MOGAT3: variants seen among roughly 807,000 people sequenced by gnomAD.
MOGAT3 encodes 2-acylglycerol O-acyltransferase 3.
A neutral mutation model predicts 34.4 loss-of-function variants in MOGAT3; 39 were observed. The ratio of observed to expected loss-of-function variants is 1.13; its 90% CI spans 0.88 to 1.48. MOGAT3 has a LOEUF of 1.48. Among genes scored for constraint, MOGAT3 ranks in the 40% most tolerant of loss-of-function variants. The pLI, the probability that MOGAT3 is intolerant of heterozygous loss-of-function variation, is 0.00. For synonymous variants in MOGAT3, 209 were observed against 179.2 expected, an observed-to-expected ratio of 1.17 and a Z score of -1.33; for missense variants, 439 against 438.9, an observed-to-expected ratio of 1.00 and a Z score of 0.00.
At chr7:101,196,480 T>A in intron 5 of MOGAT3, 91 bp from the exon 6 acceptor site, 1 of 822,950 alleles carries the variant, frequency 1.2e-6, no homozygotes. Context: ...TCCCACTACG[T>A]CCAGATGCTA....
Position 101,200,961 on chromosome 7 carries a change from G to T in MOGAT3, c.-107C>A, listed in dbSNP as rs1797941419. The T allele has an allele frequency of 3.5e-6, 3 of 856,762 alleles. No homozygotes were observed. Among genetic ancestry groups the T allele is most frequent in the Non-Finnish European group, 5.4e-6 (3 of 550,648 alleles). 53.1% of individuals were successfully genotyped at this position (856,762 alleles called of 1,614,324 possible). A position where few individuals can be genotyped will look rare whatever the true frequency, so the allele number is the denominator to read the frequency against. ...TTCTCCCTACAGGAGCCCAGCTTTG[G>T]GGGCCTGGCTAAGTCGCAAATCACC... On this transcript the variant is annotated 5_prime_UTR_variant, in exon 1 of 7. Transcript: ENST00000223114.
At chr7:101,200,197 AG>A in intron 3 of MOGAT3, 36 bp downstream of exon 3, 1 of 1,560,812 alleles carries the variant, frequency 6.4e-7, no homozygotes, top group Non-Finnish European at 8.8e-7. Context: ...AGATGGGGAG[AG>A]GTAGGAAGCA....
chr7:101,200,536 A>C, intron 1 of MOGAT3, 21 bp from the exon 2 acceptor site: 7 of 1,540,154 alleles, frequency 4.5e-6, no homozygotes. Context: ...GGAGAGAAAG[A>C]AAAGAGTTCA....
chr7:101,195,665 C>G lies in MOGAT3; in HGVS notation c.*281G>C. 2.3e-6 allele frequency: 1 copy of G among 438,616 alleles called. No homozygotes were observed. The highest frequency in any genetic ancestry group is 4.1e-6 in the Non-Finnish European group (1 of 242,710). The allele number at this position is 438,616 out of a possible 1,614,324, so 27.2% of individuals were successfully genotyped here. A position where few individuals can be genotyped will look rare whatever the true frequency, so the allele number is the denominator to read the frequency against. ...TAAGCAAGTCTCCTGCCTCAGCCTC[C>G]CAAATAGCTGGGATTACAGGCACAT... On this transcript the variant is annotated 3_prime_UTR_variant, in exon 7 of 7. Coordinates refer to ENST00000223114, the MANE Select transcript of MOGAT3 (RefSeq NM_178176.4).
rs1447900750 is a variant in MOGAT3, at chr7:101,195,096, T to C, written c.*850A>G. On this transcript the variant is annotated 3_prime_UTR_variant, in exon 7 of 7. Coordinates refer to ENST00000223114, the MANE Select transcript of MOGAT3 (RefSeq NM_178176.4). ...CAAGGTCATGCCACAGACTGAACTC[T>C]CACTGGGAGGACAGTTCAGGGTCCT... 2.6e-5 allele frequency: 4 copies of C among 152,268 alleles called. No individual in the cohort carries two copies. Among genetic ancestry groups the C allele is most frequent in the Non-Finnish European group, 5.9e-5 (4 of 68,086 alleles). The allele number at this position is 152,268 out of a possible 1,614,324, so 9.4% of individuals were successfully genotyped here. A position where few individuals can be genotyped will look rare whatever the true frequency, so the allele number is the denominator to read the frequency against.
intron 4 of MOGAT3, 32 bp from the exon 5 acceptor site, chr7:101,198,397 C>T (rs1427760044): frequency 1.3e-6 from 2 of 1,520,324 alleles, no homozygotes; most frequent in African/African-American, 2.8e-5. Context: ...AAGTAGTTCC[C>T]ATCTGCCTCC....
At chr7:101,194,029 C>T (rs1038474698), downstream of MOGAT3, among the ~76,000 whole-genome samples, 5 of 151,268 alleles carry the variant, frequency 3.3e-5, no homozygotes, top group Admixed American at 6.6e-5. Context: ...GGTCTCGCTT[C>T]GTTACCCAGG....
chr7:101,194,837 G>A (rs534951045), downstream of MOGAT3, among the ~76,000 whole-genome samples: 31 of 152,092 alleles, frequency 2.0e-4, 1 homozygote, highest in Admixed American at 2.0e-3. Flanking sequence ...CCTTCACTGG[G>A]GATGGTACCA....
intron 3 of MOGAT3, 101 bp downstream of exon 3, chr7:101,200,133 G>T: frequency 1.0e-6 from 1 of 968,078 alleles, no homozygotes; most frequent in South Asian, 1.3e-5. Flanking sequence ...CCTGAGCTTA[G>T]GCAGCGGGGA....
chr7:101,200,088 T>TA (rs374209264), intron 3 of MOGAT3, 146 bp downstream of exon 3: 11,288 of 637,626 alleles, frequency 0.018, 3 homozygotes, highest in East Asian at 0.026. Flanking sequence ...AGACTCAGTC[T>TA]AAAAAAAAAA....
downstream of MOGAT3, among the ~76,000 whole-genome samples, chr7:101,194,839 A>G (rs1406712834): frequency 6.6e-6 from 1 of 151,764 alleles, no homozygotes; most frequent in South Asian, 2.1e-4. Context: ...TTCACTGGGG[A>G]TGGTACCATT....
At position 101,200,513 on chromosome 7, in the gene MOGAT3, G is replaced by T; in HGVS notation, c.112C>A (p.Pro38Thr). ...QYVLTFLFMG[P>T]FFSLLVFVLL... ...ACAAAGACAAGAAGGGAGAAGAAAG[G>T]GCCTGGGGGAAGGGAGAGAAAGAAA... The change falls in exon 2 of 7, where the codon CCT (proline) becomes ACT (threonine). Residue 38 changes from proline to threonine, a missense_variant and splice_region_variant. Transcript: ENST00000223114. 6.3e-7 allele frequency: 1 copy of T among 1,586,190 alleles called. No homozygotes were observed. The highest frequency in any genetic ancestry group is 8.6e-7 in the Non-Finnish European group (1 of 1,165,038).
chr7:101,199,215 C>A (rs1378125844), intron 3 of MOGAT3, among the ~76,000 whole-genome samples: 3 of 151,842 alleles, frequency 2.0e-5, no homozygotes, highest in African/African-American at 7.3e-5. Flanking sequence ...ACCATATTGG[C>A]CAGGTTGGTC....
rs1797916619 is a variant in MOGAT3 at position 101,200,256 on chromosome 7, A to C, written c.266T>G (p.Leu89Arg). The C allele has an allele frequency of 6.2e-7, 1 of 1,613,878 alleles. No homozygotes were observed. The highest frequency in any genetic ancestry group is 8.5e-7 in the Non-Finnish European group (1 of 1,179,974). Residue 89 changes from leucine to arginine, a missense_variant, in exon 3 of 7, where the codon CTA (leucine) becomes CGA (arginine). By Grantham distance (102) the Leu-to-Arg change is moderately radical. Transcript: ENST00000223114. ...CACCTTGACAGGATAATAATCCCTT[A>C]GTTGTCTCCAAATTGCCCGGTTCCT... ...WIRNRAIWRQ[L>R]RDYYPVKLVK...
At position 101,198,205 on chromosome 7, in the gene MOGAT3, C is replaced by T; in HGVS notation, c.654G>A (p.Leu218=). 6.2e-7 allele frequency: 1 copy of T among 1,612,670 alleles called. No homozygotes were observed. Among genetic ancestry groups the T allele is most frequent in the Non-Finnish European group, 8.5e-7 (1 of 1,179,250 alleles). Residue 218 remains leucine (L), a synonymous_variant, in exon 5 of 7, where the codon CTG becomes CTA. Transcript: ENST00000223114. ...TLQKRKGFVR[L]ALRHGASLVP... Reference sequence around the variant, plus strand: ...CGCGCACTCACCCGTGCCTCAGCGCCAGGCGCACGAAGCCTTTGCGCTTCT... The same window carrying T: ...CGCGCACTCACCCGTGCCTCAGCGCTAGGCGCACGAAGCCTTTGCGCTTCT...
In MOGAT3 at chr7:101,198,652, A is replaced by G; in HGVS notation, c.467T>C (p.Val156Ala). ...AAAGGACATGATGTAGTCGCGATAG[A>G]CCGGGAGGTAGAAGAGGCCAGCCAG... ...AVLAGLFYLP[V>A]YRDYIMSFGL... Residue 156 changes from valine to alanine, a missense_variant, in exon 4 of 7, where the codon GTC becomes GCC. Transcript: ENST00000223114. 6.2e-7 allele frequency: 1 copy of G among 1,612,834 alleles called. No homozygotes were observed. The highest frequency in any genetic ancestry group is 8.5e-7 in the Non-Finnish European group (1 of 1,179,964).
At chr7:101,197,863 G>A (rs1020634720) in intron 5 of MOGAT3, among the ~76,000 whole-genome samples, 8 of 152,198 alleles carry the variant, frequency 5.3e-5, no homozygotes, top group Non-Finnish European at 1.2e-4. Flanking sequence ...GCGAGACTCT[G>A]TCTCAACAAC....
In MOGAT3 at chr7:101,200,245, A is replaced by G; in HGVS notation, c.277T>C (p.Tyr93His). 1 of 1,613,984 alleles carries G rather than the reference A, an allele frequency of 6.2e-7. No homozygotes were observed. Among genetic ancestry groups the G allele is most frequent in the Non-Finnish European group, 8.5e-7 (1 of 1,179,912 alleles). ...GGGTGACCCATCACCTTGACAGGAT[A>G]ATAATCCCTTAGTTGTCTCCAAATT... ...RAIWRQLRDY[Y>H]PVKLVKTAEL... The change falls in exon 3 of 7, where the codon TAT (tyrosine) becomes CAT (histidine). Residue 93 changes from tyrosine to histidine, a missense_variant. Coordinates refer to ENST00000223114, the MANE Select transcript of MOGAT3 (RefSeq NM_178176.4).
Position 101,196,315 on chromosome 7 carries a change from C to T in MOGAT3, c.743G>A (p.Trp248Ter). The change falls in exon 6 of 7, where the codon TGG becomes TAG. Residue 248 changes from tryptophan to a stop codon, truncating the protein, a stop_gained. Transcript: ENST00000223114. LOFTEE classifies it high-confidence loss of function. ...GAAGGTGAGCTGGCACCAATGCTGCCAGGAGCCTGTGGCAAAAGCCTTAAG... is the reference window on the plus strand; with the variant it reads ...GAAGGTGAGCTGGCACCAATGCTGCTAGGAGCCTGTGGCAAAAGCCTTAAG... ...FRLKAFATGS[W>*]QHWCQLTFKK... The T allele has an allele frequency of 6.2e-7, 1 of 1,614,018 alleles. No individual in the cohort carries two copies. Among genetic ancestry groups the T allele is most frequent in the East Asian group, 2.2e-5 (1 of 44,870 alleles).
Sources: allele counts gnomAD v4.1 joint callset (sites outside exome capture counted in the v4.1 genomes callset), GRCh38; gene constraint gnomAD v4.1.1; transcripts MANE v1.5; gene names NCBI Gene and HGNC (gene_info 2026-07-23, HGNC 2026-07-21).